CTIF: variants seen among roughly 807,000 people sequenced by gnomAD.
CTIF encodes CBP80/20-dependent translation initiation factor.
A neutral mutation model predicts 66.0 loss-of-function variants in CTIF; 21 were observed. The ratio of observed to expected loss-of-function variants is 0.32; its 90% CI spans 0.23 to 0.46. The LOEUF (loss-of-function observed/expected upper bound fraction) is 0.46. Ranked by LOEUF, CTIF falls within the 20% of genes least tolerant of loss-of-function variation. The pLI, the probability that CTIF is intolerant of heterozygous loss-of-function variation, is 1.00. For missense variants in CTIF, 739 were observed against 812.7 expected (o/e 0.91, Z 1.10); for synonymous variants, 345 against 326.4 (o/e 1.06, Z -0.62).
At chr18:48,664,926 G>C (rs972913843) in intron 5 of CTIF, among the ~76,000 whole-genome samples, 9 of 78,522 alleles carry the variant, frequency 1.1e-4, no homozygotes, top group Admixed American at 1.0e-3. Context: ...TTTTTTTTTT[G>C]AGACGGAGTC....
Position 48,758,114 on chromosome 18 carries a change from C to T in CTIF, c.780C>T (p.Gly260=), listed in dbSNP as rs142161540. 175 of 1,613,930 alleles carry T rather than the reference C, an allele frequency of 1.1e-4. No individual in the cohort carries two copies. The African/African-American group carries it at 1.5e-3, about 14-fold the overall frequency. Reference sequence around the variant, plus strand: ...ATGGCAACATGAAGCACCCACCAGGCGACAAGGGGGAGGCAGGCGCACACC... The same window carrying T: ...ATGGCAACATGAAGCACCCACCAGGTGACAAGGGGGAGGCAGGCGCACACC... The part of the protein sequence containing the change: ...WHHGNMKHPP[G]DKGEAGAHRN... The change falls in exon 8 of 12, where the codon GGC becomes GGT. Residue 260 remains glycine (G), a synonymous_variant. Transcript: ENST00000256413.
At chr18:48,702,312 G>A (rs1273057906) in intron 6 of CTIF, among the ~76,000 whole-genome samples, 1 of 152,198 alleles carries the variant, frequency 6.6e-6, no homozygotes, top group Non-Finnish European at 1.5e-5. Context: ...CTGTGCAGAT[G>A]AAAACCATCT....
At chr18:48,804,837 A>C (rs2068112100) in intron 9 of CTIF, among the ~76,000 whole-genome samples, 1 of 152,006 alleles carries the variant, frequency 6.6e-6, no homozygotes, top group Admixed American at 6.6e-5. Context: ...CTGCCCACCC[A>C]GCCTCAGTGC....
chr18:48,660,731 C>T (rs1047856490), intron 3 of CTIF, among the ~76,000 whole-genome samples: 56 of 152,256 alleles, frequency 3.7e-4, no homozygotes, highest in Middle Eastern at 3.2e-3. Flanking sequence ...CCTGTCCTCG[C>T]TCCCTGCCAG....
At chr18:48,729,106 A>T (rs1443234250) in intron 7 of CTIF, among the ~76,000 whole-genome samples, 1 of 152,110 alleles carries the variant, frequency 6.6e-6, no homozygotes, top group Non-Finnish European at 1.5e-5. Context: ...CTTCCTGCCC[A>T]TGGCCCCTCT....
intron 2 of CTIF, among the ~76,000 whole-genome samples, chr18:48,624,908 T>C (rs2090566750): frequency 6.6e-6 from 1 of 152,228 alleles, no homozygotes; most frequent in Non-Finnish European, 1.5e-5. Flanking sequence ...GATCACTTCC[T>C]ATAGCCCTAT....
chr18:48,684,904 G>A (rs73445533), intron 6 of CTIF, among the ~76,000 whole-genome samples: 3,014 of 152,106 alleles, frequency 0.02, 111 homozygotes, highest in African/African-American at 0.069. Context: ...CAATCTAATT[G>A]TCATATCAGG....
chr18:48,615,060 T>C (rs1380938759), intron 1 of CTIF, among the ~76,000 whole-genome samples: 1 of 152,044 alleles, frequency 6.6e-6, no homozygotes, highest in East Asian at 1.9e-4. Context: ...GCTCAGCTAA[T>C]TTTTAAAAAA....
intron 10 of CTIF, among the ~76,000 whole-genome samples, chr18:48,853,872 C>A (rs2069264924): frequency 6.6e-6 from 1 of 152,170 alleles, no homozygotes; most frequent in Non-Finnish European, 1.5e-5. Context: ...AGCAACATGA[C>A]CAGTCCCCAG....
chr18:48,639,953 G>A (rs956080769), intron 3 of CTIF, among the ~76,000 whole-genome samples: 7 of 152,190 alleles, frequency 4.6e-5, no homozygotes, highest in Non-Finnish European at 7.4e-5. Context: ...AAAGCTGGGC[G>A]GCTTCCTTTG....
intron 1 of CTIF, among the ~76,000 whole-genome samples, chr18:48,576,345 T>G (rs979966507): frequency 6.6e-6 from 1 of 152,246 alleles, no homozygotes; most frequent in Admixed American, 6.5e-5. Context: ...GCTGAAGAGA[T>G]AGAAGAATTT....
intron 10 of CTIF, among the ~76,000 whole-genome samples, chr18:48,829,784 T>C (rs2068652865): frequency 6.6e-6 from 1 of 152,244 alleles, no homozygotes; most frequent in African/African-American, 2.4e-5. Flanking sequence ...CCAGGACCCC[T>C]GTGGATCTTT....
chr18:48,666,965 C>T (rs1051906945), intron 5 of CTIF, among the ~76,000 whole-genome samples: 2 of 152,074 alleles, frequency 1.3e-5, no homozygotes, highest in Non-Finnish European at 2.9e-5. Flanking sequence ...AACAGTGTAG[C>T]GGAGCTTGGG....
intron 1 of CTIF, among the ~76,000 whole-genome samples, chr18:48,596,914 G>C (rs979532183): frequency 3.3e-5 from 5 of 152,204 alleles, no homozygotes; most frequent in Non-Finnish European, 4.4e-5. Flanking sequence ...TGTTAATAAG[G>C]AAGGAGAGAA....
At chr18:48,634,423 A>G (rs1460663567) in intron 2 of CTIF, among the ~76,000 whole-genome samples, 1 of 152,204 alleles carries the variant, frequency 6.6e-6, no homozygotes, top group African/African-American at 2.4e-5. Context: ...ATTTAATACA[A>G]AGAATTGATT....
rs777910371 is a variant in CTIF, at chr18:48,758,285, G to C, written c.951G>C (p.Gly317=). Residue 317 remains glycine, a synonymous_variant, in exon 8 of 12, where the codon GGG becomes GGC. Coordinates refer to ENST00000256413, the MANE Select transcript of CTIF (RefSeq NM_014772.3). ...AGCGGCTGCCCCCACAGCAGTCAGG[G>C]GGGCCAGAGGTTGAGACAAAACGTA... ...ASERLPPQQS[G]GPEVETKRKD... The C allele has an allele frequency of 6.2e-7, 1 of 1,613,452 alleles. No homozygotes were observed. Among genetic ancestry groups the C allele is most frequent in the Non-Finnish European group, 8.5e-7 (1 of 1,179,888 alleles).
chr18:48,711,804 T>C (rs2092226703), intron 7 of CTIF, 109 bp downstream of exon 7: 2 of 909,268 alleles, frequency 2.2e-6, no homozygotes, highest in Admixed American at 1.8e-5. Context: ...CAGCTGATCC[T>C]GATGAGATGG....
At chr18:48,803,190 A>G (rs1049219589) in intron 9 of CTIF, among the ~76,000 whole-genome samples, 4 of 152,182 alleles carry the variant, frequency 2.6e-5, no homozygotes, top group African/African-American at 9.7e-5. Flanking sequence ...AAACTTGGAA[A>G]TGTCTCCAGA....
In CTIF at chr18:48,844,552, G is replaced by A. The variant is rs191129712; in HGVS notation, c.1528-13036G>A. ...GGAAGGAGGCTAATTATTCCCTCTG[G>A]GGCGCCTGGTCCGCAGCTAGGGTGC... On this transcript the variant is annotated intron_variant, in intron 10 of 11. Transcript: ENST00000256413. Among the ~76,000 whole-genome samples the A allele has an allele frequency of 8.2e-3, 1,256 of 152,326 alleles. 5 individuals carry two copies. Among genetic ancestry groups the A allele is most frequent in the Middle Eastern group, 0.02 (6 of 294 alleles).
Sources: allele counts gnomAD v4.1 joint callset (sites outside exome capture counted in the v4.1 genomes callset), GRCh38; gene constraint gnomAD v4.1.1; transcripts MANE v1.5; gene names NCBI Gene and HGNC (gene_info 2026-07-23, HGNC 2026-07-21).